KIAA1671: variants seen among roughly 807,000 people sequenced by gnomAD.
KIAA1671 encodes the protein uncharacterized protein KIAA1671.
A neutral mutation model predicts 131.2 loss-of-function variants in KIAA1671; 52 were observed. The ratio of observed to expected loss-of-function variants is 0.40; its 90% confidence interval spans 0.32 to 0.50. The LOEUF is 0.50. Among genes scored for constraint, KIAA1671 ranks in the 20% least tolerant of loss-of-function variants. KIAA1671 has a pLI of 0.73. For synonymous variants in KIAA1671, 1,003 were observed against 961.6 expected (o/e 1.04, Z -0.80); for missense variants, 2,360 against 2,364.2 (o/e 1.00, Z 0.04).
intron 6 of KIAA1671, among the ~76,000 whole-genome samples, chr22:25,157,401 A>G (rs1294702039): frequency 6.6e-6 from 1 of 152,094 alleles, no homozygotes; most frequent in African/African-American, 2.4e-5. Context: ...TTTACTCACT[A>G]GACAGTGAAT....
intron 6 of KIAA1671, among the ~76,000 whole-genome samples, chr22:25,092,181 T>C (rs189116673): frequency 6.6e-6 from 1 of 152,224 alleles, no homozygotes; most frequent in East Asian, 1.9e-4. Flanking sequence ...GATAAATGCA[T>C]GAAGACAAGG....
At chr22:25,035,315 G>A (rs1274785864) in intron 4 of KIAA1671, among the ~76,000 whole-genome samples, 3 of 152,132 alleles carry the variant, frequency 2.0e-5, no homozygotes, top group African/African-American at 7.2e-5. Context: ...CCAAAATGCT[G>A]GGATTATAGG....
chr22:25,025,939 A>G (rs1027343237), intron 2 of KIAA1671, among the ~76,000 whole-genome samples, 155 bp downstream of exon 2: 1 of 152,112 alleles, frequency 6.6e-6, no homozygotes, highest in South Asian at 2.1e-4. Context: ...TGTATCCTCA[A>G]TCAGGGTTTC....
At chr22:25,014,747 A>G (rs1457840486) in intron 1 of KIAA1671, 1 of 152,012 alleles carries the variant, frequency 6.6e-6, no homozygotes, top group African/African-American at 2.4e-5. Context: ...TGTGTATTGA[A>G]TTTTTCTGTC....
chr22:24,959,981 T>C (rs921207551), intron 1 of KIAA1671, among the ~76,000 whole-genome samples: 1 of 151,280 alleles, frequency 6.6e-6, no homozygotes, highest in African/African-American at 2.4e-5. Context: ...CTACTAAAAA[T>C]ACAAAAATTA....
In KIAA1671 at chr22:25,028,880, A is replaced by G; in HGVS notation, c.881A>G (p.Lys294Arg). 1 of 1,551,460 alleles carries G rather than the reference A, an allele frequency of 6.4e-7. No homozygotes were observed. Among genetic ancestry groups the G allele is most frequent in the African/African-American group, 1.4e-5 (1 of 73,186 alleles). ...GACCTCACGGCCCGGTTTGAGAACA[A>G]AGAGGCCTTGCTGAGGAAGGTGGCC... Reference protein sequence around the residue: ...SMDLTARFENKEALLRKVADE... With the variant: ...SMDLTARFENREALLRKVADE... Residue 294 changes from lysine to arginine, a missense_variant, in exon 3 of 13, where the codon AAA (lysine) becomes AGA (arginine). By Grantham distance (26) the Lys-to-Arg change is conservative (BLOSUM62 2). Coordinates refer to ENST00000358431, the MANE Select transcript of KIAA1671 (RefSeq NM_001145206.2).
At chr22:25,164,504 G>A (rs2145999916) in intron 6 of KIAA1671, among the ~76,000 whole-genome samples, 1 of 152,322 alleles carries the variant, frequency 6.6e-6, no homozygotes, top group Middle Eastern at 3.4e-3. Context: ...CTCTCTGCCT[G>A]CCTTTTAATT....
intron 1 of KIAA1671, among the ~76,000 whole-genome samples, chr22:25,018,076 G>A (rs1303138722): frequency 6.7e-6 from 1 of 150,202 alleles, no homozygotes; most frequent in African/African-American, 2.5e-5. Flanking sequence ...TCTCAGTTGC[G>A]ATACCTTCTC....
At chr22:25,074,282 A>G (rs892878418) in intron 6 of KIAA1671, among the ~76,000 whole-genome samples, 3 of 151,298 alleles carry the variant, frequency 2.0e-5, no homozygotes, top group East Asian at 1.9e-4. Context: ...AGGAGGGTGG[A>G]TCACTTGAAG....
chr22:24,961,901 A>G (rs1184924786), intron 1 of KIAA1671, among the ~76,000 whole-genome samples: 1 of 152,180 alleles, frequency 6.6e-6, no homozygotes, highest in Non-Finnish European at 1.5e-5. Flanking sequence ...GTGGTCGCAG[A>G]GCAGAGGCTC....
chr22:25,040,379 AG>A lies in KIAA1671; in HGVS notation c.3251del (p.Gly1084AlafsTer6). The A allele has an allele frequency of 6.4e-7, 1 of 1,551,936 alleles. No individual in the cohort carries two copies. The highest frequency in any genetic ancestry group is 8.7e-7 in the Non-Finnish European group (1 of 1,147,046). On this transcript the variant is annotated frameshift_variant, in exon 5 of 13. Transcript: ENST00000358431. LOFTEE classifies it high-confidence loss of function. Reference protein sequence around the residue: ...LGHEEALEMAGSKNWMKGREH... With the variant: ...LGHEEALEMAXSKNWMKGREH... ...GTCATGAAGAGGCATTGGAGATGGC[AG>A]GCAGTAAAAACTGGATGAAGGGACG...
rs1926832664 is a variant in KIAA1671, at chr22:25,040,153, G to C, written c.3023G>C (p.Arg1008Pro). The C allele has an allele frequency of 2.6e-6, 4 of 1,551,540 alleles. No homozygotes were observed. The highest frequency in any genetic ancestry group is 3.5e-6 in the Non-Finnish European group (4 of 1,146,998). The change falls in exon 5 of 13, where the codon CGG becomes CCG. Residue 1008 changes from arginine (R) to proline (P), a missense_variant. Physicochemically the swap from Arg to Pro is moderately radical, Grantham distance 103 (BLOSUM62 -2). Transcript: ENST00000358431. ...CAGGAGGTGAACCCAGGTGCTTCAC[G>C]GGACCAGACTTCCCCAGCAGTGAAG... ...ETQEVNPGASRDQTSPAVKQG... is the reference protein window; with the variant it reads ...ETQEVNPGASPDQTSPAVKQG...
Position 25,040,776 on chromosome 22 carries a change from C to T in KIAA1671, c.3646C>T (p.Pro1216Ser). 1 of 1,551,792 alleles carries T rather than the reference C, an allele frequency of 6.4e-7. No homozygotes were observed. Among genetic ancestry groups the T allele is most frequent in the Non-Finnish European group, 8.7e-7 (1 of 1,147,018 alleles). ...AEYQELSLKV[P>S]GEAQERRSPT... ...GTACCAGGAGCTGTCGCTGAAAGTC[C>T]CTGGGGAGGCTCAGGAGAGGAGGAG... is the stretch of plus-strand genomic sequence containing the variant. The change falls in exon 5 of 13, where the codon CCT becomes TCT. Residue 1216 changes from proline (P) to serine (S), a missense_variant. Physicochemically the swap from Pro to Ser is moderately conservative, Grantham distance 74. This residue lies in a region of KIAA1671 where 1,161 missense variants were observed against 1,204.7 expected (regional missense o/e 0.96). Coordinates refer to ENST00000358431, the MANE Select transcript of KIAA1671 (RefSeq NM_001145206.2).
chr22:25,003,475 A>T (rs377457727), intron 1 of KIAA1671, among the ~76,000 whole-genome samples: 39 of 144,928 alleles, frequency 2.7e-4, no homozygotes, highest in African/African-American at 1.0e-3. Context: ...GCAGTGGAAC[A>T]ATCTCAGTTC....
intron 1 of KIAA1671, among the ~76,000 whole-genome samples, chr22:24,986,933 A>G (rs990248176): frequency 2.1e-4 from 32 of 151,720 alleles, no homozygotes; most frequent in African/African-American, 7.7e-4. Context: ...CCTGTAGAGG[A>G]CCAGATAGTA....
intron 1 of KIAA1671, among the ~76,000 whole-genome samples, chr22:24,993,884 G>A (rs1923970397): frequency 6.6e-6 from 1 of 152,048 alleles, no homozygotes. Context: ...TTCGAGACCA[G>A]CCTGGCCAAC....
chr22:25,044,345 ATGT>A (rs1389920781), intron 5 of KIAA1671, among the ~76,000 whole-genome samples: 1 of 152,160 alleles, frequency 6.6e-6, no homozygotes, highest in Non-Finnish European at 1.5e-5. Flanking sequence ...CTGCAGGCTG[ATGT>A]TGTGGTAACA....
At chr22:25,041,893 C>T (rs113051471) in intron 5 of KIAA1671, among the ~76,000 whole-genome samples, 18 of 152,104 alleles carry the variant, frequency 1.2e-4, no homozygotes, top group African/African-American at 3.4e-4. Context: ...GACAGGCATG[C>T]GCCACCATGC....
At chr22:25,159,381 C>T (rs1161081062) in intron 6 of KIAA1671, among the ~76,000 whole-genome samples, 6 of 152,110 alleles carry the variant, frequency 3.9e-5, no homozygotes, top group African/African-American at 7.2e-5. Context: ...GGACCTTCCC[C>T]GGGGTGCCCT....
Sources: gnomAD v4.1 joint callset for allele counts (sites outside exome capture counted in the v4.1 genomes callset) on GRCh38, gnomAD v4.1.1 for gene constraint, gnomAD v4.1.1 regional missense constraint, MANE v1.5 for transcripts, NCBI Gene and HGNC (gene_info 2026-07-23, HGNC 2026-07-21) for gene names.